The following ANGPT1 variants were observed in gnomAD, a reference collection of about 807,000 sequenced individuals.
ANGPT1 encodes the protein angiopoietin 1, also known as angiopoietin-1.
Under a neutral mutation model 62.2 loss-of-function variants are expected in ANGPT1, and 17 were observed. The observed-to-expected ratio is 0.27, with a 90% CI of 0.19 to 0.41. ANGPT1 has a LOEUF of 0.41. Among genes scored for constraint, ANGPT1 ranks in the 10% least tolerant of loss-of-function variants. ANGPT1 has a pLI of 1.00. For missense variants in ANGPT1, 478 were observed against 594.9 expected, an observed-to-expected ratio of 0.80 and a Z score of 2.04; for synonymous variants, 199 against 198.9, an observed-to-expected ratio of 1.00 and a Z score of 0.00.
In ANGPT1 at chr8:107,348,208, T is replaced by A. The variant is rs921217835; in HGVS notation, c.298-1111A>T. Among the ~76,000 whole-genome samples, 10 of 152,222 alleles carry A rather than the reference T, an allele frequency of 6.6e-5. 1 individual carries two copies. The highest frequency in any genetic ancestry group is 4.6e-4 in the Admixed American group (7 of 15,280). Reference sequence around the variant, plus strand: ...ACTTGATAGCTATGACAAGTCGTGCTTCACAAGCCGGGTTCCAAATCATTA... The same window carrying A: ...ACTTGATAGCTATGACAAGTCGTGCATCACAAGCCGGGTTCCAAATCATTA... On this transcript the variant is annotated intron_variant, in intron 1 of 8. Transcript: ENST00000517746.
intron 1 of ANGPT1, among the ~76,000 whole-genome samples, chr8:107,427,758 G>C (rs943528800): frequency 6.6e-6 from 1 of 152,168 alleles, no homozygotes; most frequent in Non-Finnish European, 1.5e-5. Flanking sequence ...GTAAGACCTG[G>C]GTAAGACCAA....
chr8:107,407,596 G>A (rs538872317), intron 1 of ANGPT1, among the ~76,000 whole-genome samples: 1 of 152,154 alleles, frequency 6.6e-6, no homozygotes, highest in Non-Finnish European at 1.5e-5. Flanking sequence ...CTATCAGAGA[G>A]GAAAGAAAAG....
intron 1 of ANGPT1, among the ~76,000 whole-genome samples, chr8:107,485,582 A>G (rs1290923953): frequency 6.6e-6 from 1 of 152,226 alleles, no homozygotes; most frequent in Non-Finnish European, 1.5e-5. Context: ...GCTTGGGCCC[A>G]AAATACCAGG....
chr8:107,435,395 T>C (rs1811308289), intron 1 of ANGPT1, among the ~76,000 whole-genome samples: 1 of 152,250 alleles, frequency 6.6e-6, no homozygotes, highest in African/African-American at 2.4e-5. Flanking sequence ...ACAGGTGTTT[T>C]CTAGACAAAT....
At chr8:107,495,890 C>T (rs1366397369) in intron 1 of ANGPT1, among the ~76,000 whole-genome samples, 2 of 152,084 alleles carry the variant, frequency 1.3e-5, no homozygotes, top group South Asian at 2.1e-4. Flanking sequence ...TATTACAGTC[C>T]TATAGTCTGT....
Position 107,336,273 on chromosome 8 carries a change from TTAAGA to T in ANGPT1, c.454-7_454-3del, listed in dbSNP as rs540154312. The stretch of plus-strand genomic sequence containing the variant: ...AAGTCGAGAAGTTTGATTTAGTACC[TTAAGA>T]TAAAAGATGAAAATATTTCAAACTT... On this transcript the variant is annotated splice_polypyrimidine_tract_variant and splice_region_variant and intron_variant, in intron 2 of 8. Coordinates refer to ENST00000517746, the MANE Select transcript of ANGPT1 (RefSeq NM_001146.5). The T allele has an allele frequency of 6.0e-5, 95 of 1,585,966 alleles. No homozygotes were observed. In the African/African-American group the frequency reaches 1.2e-3, roughly 20 times the overall value.
chr8:107,268,321 A>T (rs1164568332), intron 7 of ANGPT1, among the ~76,000 whole-genome samples: 1 of 151,970 alleles, frequency 6.6e-6, no homozygotes, highest in Non-Finnish European at 1.5e-5. Context: ...TTTACATCTC[A>T]TTTAGTTAGG....
intron 1 of ANGPT1, among the ~76,000 whole-genome samples, chr8:107,394,505 G>A (rs1302065439): frequency 6.6e-6 from 1 of 152,088 alleles, no homozygotes; most frequent in African/African-American, 2.4e-5. Flanking sequence ...TTATCCCAGA[G>A]GAGTTAGTTT....
At chr8:107,255,817 T>C (rs1813345540) in intron 8 of ANGPT1, among the ~76,000 whole-genome samples, 1 of 152,148 alleles carries the variant, frequency 6.6e-6, no homozygotes, top group South Asian at 2.1e-4. Context: ...AGCTGTAAGT[T>C]ATCTAGAAAA....
At chr8:107,407,649 C>T (rs761064807) in intron 1 of ANGPT1, among the ~76,000 whole-genome samples, 11 of 152,108 alleles carry the variant, frequency 7.2e-5, no homozygotes, top group Non-Finnish European at 1.2e-4. Context: ...TGAGAAAGCT[C>T]AAAGGAGTAA....
intron 1 of ANGPT1, among the ~76,000 whole-genome samples, chr8:107,424,514 A>G (rs1047137717): frequency 2.0e-5 from 3 of 152,148 alleles, no homozygotes; most frequent in African/African-American, 7.2e-5. Flanking sequence ...AGATTAGCTG[A>G]TATAAACCTT....
chr8:107,324,142 C>G (rs1815224505), intron 3 of ANGPT1, among the ~76,000 whole-genome samples: 1 of 145,950 alleles, frequency 6.9e-6, no homozygotes. Flanking sequence ...TGCTTGCCCC[C>G]CAGCCAAAAA....
rs113925966 is a variant in ANGPT1 at position 107,456,736 on chromosome 8, T to C, written c.297+40526A>G. 2.4e-3 allele frequency among the ~76,000 whole-genome samples: 366 copies of C among 152,194 alleles called. 2 individuals are homozygous for C. The highest frequency in any genetic ancestry group is 7.9e-3 in the African/African-American group (328 of 41,564). On this transcript the variant is annotated intron_variant, in intron 1 of 8. Transcript: ENST00000517746. Reference sequence around the variant, plus strand: ...TACAAGTCTCAAAGTGTATATGATGTAAAATGTATTATTTTAAAATAGAAA... The same window carrying C: ...TACAAGTCTCAAAGTGTATATGATGCAAAATGTATTATTTTAAAATAGAAA...
chr8:107,316,149 C>A (rs4133367), intron 4 of ANGPT1, among the ~76,000 whole-genome samples: 73,670 of 152,016 alleles, frequency 0.48, 18,210 homozygotes, highest in East Asian at 0.69. Flanking sequence ...TTATTTCTTG[C>A]TGATTCTAAT....
chr8:107,265,692 T>G (rs1288501111), intron 7 of ANGPT1, among the ~76,000 whole-genome samples: 3 of 152,164 alleles, frequency 2.0e-5, no homozygotes, highest in Non-Finnish European at 4.4e-5. Context: ...TTATGAATCC[T>G]GTCCACCCAC....
At chr8:107,386,102 A>T (rs1172477600) in intron 1 of ANGPT1, among the ~76,000 whole-genome samples, 2 of 152,112 alleles carry the variant, frequency 1.3e-5, no homozygotes, top group African/African-American at 2.4e-5. Context: ...AACAACATGG[A>T]TGGAGCTGGA....
chr8:107,421,352 A>T (rs545844617), intron 1 of ANGPT1, among the ~76,000 whole-genome samples: 1 of 152,276 alleles, frequency 6.6e-6, no homozygotes, highest in East Asian at 1.9e-4. Context: ...AGTCAAAAAC[A>T]TTTCTCTTCA....
chr8:107,317,632 T>A (rs35091763), intron 4 of ANGPT1, among the ~76,000 whole-genome samples: 2,331 of 56,000 alleles, frequency 0.042, 20 homozygotes, highest in African/African-American at 0.073. Context: ...ATTTTTATTT[T>A]TATTTTTTTT....
chr8:107,446,333 T>C (rs998207396), intron 1 of ANGPT1, among the ~76,000 whole-genome samples: 1 of 152,258 alleles, frequency 6.6e-6, no homozygotes, highest in Non-Finnish European at 1.5e-5. Flanking sequence ...ATGCAGATTT[T>C]ACATCTGCAG....
Sources: allele counts gnomAD v4.1 joint callset (sites outside exome capture counted in the v4.1 genomes callset), GRCh38; gene constraint gnomAD v4.1.1; transcripts MANE v1.5; gene names NCBI Gene and HGNC (gene_info 2026-07-23, HGNC 2026-07-21).